The following GARIN2 variants were observed in gnomAD, a reference collection of about 807,000 sequenced individuals.
GARIN2 encodes Golgi-associated RAB2 interactor protein 2.
chr14:67,225,070 A>C, the GARIN2 span: 1 of 1,492,864 alleles, frequency 6.7e-7, no homozygotes, highest in African/African-American at 1.5e-5. Context: ...CTTCCTCTCT[A>C]TTGATCTCTC....
chr14:67,209,899 G>A, the GARIN2 span, among the ~76,000 whole-genome samples: 2 of 151,728 alleles, frequency 1.3e-5, no homozygotes, highest in South Asian at 4.2e-4. Context: ...ATTTGTAAGG[G>A]ATCCAATTAA....
chr14:67,225,974 CGTGCGCAT>C, the GARIN2 span, among the ~76,000 whole-genome samples: 430 of 116,914 alleles, frequency 3.7e-3, no homozygotes, highest in African/African-American at 5.2e-3. Context: ...CGCGCGCGCG[CGTGCGCAT>C]GCGCGTGCAT....
chr14:67,204,604 C>G, the GARIN2 span: 3 of 1,613,670 alleles, frequency 1.9e-6, no homozygotes, highest in South Asian at 2.2e-5. Flanking sequence ...GAAAGTAAAG[C>G]TGGTGAGTGG....
At chr14:67,202,557 A>G in the GARIN2 span, among the ~76,000 whole-genome samples, 3 of 152,256 alleles carry the variant, frequency 2.0e-5, no homozygotes, top group East Asian at 1.9e-4. Flanking sequence ...ACTGTTGTCT[A>G]TACTTCTAAG....
At chr14:67,191,195 C>T in the GARIN2 span, among the ~76,000 whole-genome samples, 5 of 152,192 alleles carry the variant, frequency 3.3e-5, no homozygotes, top group African/African-American at 9.7e-5. Flanking sequence ...GATCACACCA[C>T]TGCACTCCAG....
the GARIN2 span, chr14:67,199,199 G>T: frequency 1.0e-5 from 16 of 1,606,754 alleles, no homozygotes; most frequent in Middle Eastern, 3.3e-4. Flanking sequence ...ACATGCCAAA[G>T]GATAGAGTCA....
chr14:67,194,518 TC>T, the GARIN2 span, among the ~76,000 whole-genome samples: 1 of 151,952 alleles, frequency 6.6e-6, no homozygotes, highest in African/African-American at 2.4e-5. Context: ...CTATTTTTTT[TC>T]CCCCAAGACA....
the GARIN2 span, among the ~76,000 whole-genome samples, chr14:67,220,064 A>T: frequency 7.9e-5 from 12 of 152,218 alleles, no homozygotes; most frequent in African/African-American, 2.9e-4. Context: ...AGGTTGAAAA[A>T]TAAGTTATAT....
At chr14:67,206,314 A>G in the GARIN2 span, among the ~76,000 whole-genome samples, 15,427 of 152,146 alleles carry the variant, frequency 0.1, 1,067 homozygotes, top group African/African-American at 0.2. Flanking sequence ...CCTGGCCAAC[A>G]TGGCAAAACC....
At chr14:67,209,394 C>G in the GARIN2 span, among the ~76,000 whole-genome samples, 1 of 152,160 alleles carries the variant, frequency 6.6e-6, no homozygotes, top group Non-Finnish European at 1.5e-5. Context: ...GAGCAGAGAC[C>G]TGAGCAAGTG....
the GARIN2 span, chr14:67,204,643 T>C: frequency 6.2e-7 from 1 of 1,613,792 alleles, no homozygotes; most frequent in Non-Finnish European, 8.5e-7. Flanking sequence ...GCTCTGCACC[T>C]CTGCATATAA....
At chr14:67,191,940 A>T in the GARIN2 span, among the ~76,000 whole-genome samples, 1 of 152,240 alleles carries the variant, frequency 6.6e-6, no homozygotes, top group Non-Finnish European at 1.5e-5. Flanking sequence ...TGTCTGCTGA[A>T]TGAATCACCA....
chr14:67,214,279 T>C, the GARIN2 span, among the ~76,000 whole-genome samples: 67 of 152,198 alleles, frequency 4.4e-4, no homozygotes, highest in Non-Finnish European at 9.3e-4. Flanking sequence ...GGTTTTCTTT[T>C]AGGGTTTTTA....
the GARIN2 span, among the ~76,000 whole-genome samples, chr14:67,197,712 T>A: frequency 6.6e-6 from 1 of 152,140 alleles, no homozygotes; most frequent in Non-Finnish European, 1.5e-5. Context: ...GATTGGAGAA[T>A]CCTGCATGAT....
At chr14:67,198,226 A>G in the GARIN2 span, 3 of 1,613,754 alleles carry the variant, frequency 1.9e-6, no homozygotes, top group African/African-American at 2.7e-5. Flanking sequence ...TGCACCCCAC[A>G]CTCCCATGAT....
At chr14:67,201,371 G>T in the GARIN2 span, 1 of 444,244 alleles carries the variant, frequency 2.3e-6, no homozygotes, top group Admixed American at 2.5e-5. Context: ...GAGCCCCAGG[G>T]CATCAGCTCA....
the GARIN2 span, among the ~76,000 whole-genome samples, chr14:67,215,875 A>G: frequency 6.6e-6 from 1 of 152,126 alleles, no homozygotes; most frequent in Non-Finnish European, 1.5e-5. Flanking sequence ...ACAAATCAAA[A>G]TCTCACAAAG....
chr14:67,208,665 C>T, the GARIN2 span, among the ~76,000 whole-genome samples: 1 of 152,128 alleles, frequency 6.6e-6, no homozygotes, highest in South Asian at 2.1e-4. Flanking sequence ...CGTTACTCAG[C>T]TGGCATTCTG....
chr14:67,201,360 AGAGCCCCAG>A, the GARIN2 span: 1 of 420,130 alleles, frequency 2.4e-6, no homozygotes, highest in Non-Finnish European at 4.7e-6. Flanking sequence ...ATAGAGTGAA[AGAGCCCCAG>A]GGCATCAGCT....
Sources: allele counts gnomAD v4.1 joint callset (sites outside exome capture counted in the v4.1 genomes callset), GRCh38; gene constraint gnomAD v4.1.1; transcripts MANE v1.5; gene names NCBI Gene and HGNC (gene_info 2026-07-23, HGNC 2026-07-21).